GNAS-AS1: variants seen among roughly 807,000 people sequenced by gnomAD.
GNAS-AS1 encodes GNAS antisense RNA 1, also known as GNAS antisense RNA 1 (non-protein coding).
intron 4 of GNAS-AS1, chr20:58,834,665 C>T (rs777222055): frequency 2.6e-5 from 4 of 152,190 alleles, no homozygotes; most frequent in Non-Finnish European, 5.9e-5. Context: ...AGAAATTGCT[C>T]CTCCTGTGGC....
chr20:58,821,256 C>T (rs34606675), intron 4 of GNAS-AS1, among the ~76,000 whole-genome samples: 3,083 of 152,302 alleles, frequency 0.02, 107 homozygotes, highest in African/African-American at 0.071. Flanking sequence ...CCTCAGGGCC[C>T]TTCCACTGGC....
At chr20:58,830,013 G>A (rs1568899782) in intron 4 of GNAS-AS1, among the ~76,000 whole-genome samples, 1 of 152,012 alleles carries the variant, frequency 6.6e-6, no homozygotes, top group Non-Finnish European at 1.5e-5. Context: ...AAAGAGAACT[G>A]GAAAGTGAAA....
At chr20:58,831,153 TA>T (rs1300485675) in intron 4 of GNAS-AS1, among the ~76,000 whole-genome samples, 1 of 152,208 alleles carries the variant, frequency 6.6e-6, no homozygotes, top group Non-Finnish European at 1.5e-5. Flanking sequence ...AGTCCAGATT[TA>T]CCAAATATCA....
At chr20:58,832,923 GTTAA>G (rs1045576179) in intron 4 of GNAS-AS1, among the ~76,000 whole-genome samples, 25 of 152,248 alleles carry the variant, frequency 1.6e-4, no homozygotes, top group African/African-American at 6.0e-4. Flanking sequence ...CACTTTGGAA[GTTAA>G]TTAAATTCCC....
At chr20:58,819,695 G>A (rs1423821669) in intron 4 of GNAS-AS1, among the ~76,000 whole-genome samples, 3 of 152,188 alleles carry the variant, frequency 2.0e-5, no homozygotes, top group East Asian at 1.9e-4. Context: ...AAAGGAGGCA[G>A]GGCTATGGTG....
chr20:58,840,676 A>G lies in GNAS-AS1; in HGVS notation n.819+1261T>C, dbSNP rs772869359. 1.1e-5 allele frequency: 17 copies of G among 1,604,670 alleles called. No homozygotes were observed. In the African/African-American group the frequency reaches 2.3e-4, roughly 21 times the overall value. On this transcript the variant is annotated intron_variant and non_coding_transcript_variant, in intron 4 of 4. Transcript: ENST00000424094. This position sits in a 1 kb window ranked among gnomAD's most constrained non-coding sequence, Gnocchi z 6.0. ...CTCAGGAGCCCCAGAGCCCCAGGGA[A>G]GGGGAGGAGCTCAAGCCCGAGGACA...
At chr20:58,831,290 G>GT (rs2096098550) in intron 4 of GNAS-AS1, among the ~76,000 whole-genome samples, 1 of 152,204 alleles carries the variant, frequency 6.6e-6, no homozygotes, top group Non-Finnish European at 1.5e-5. Flanking sequence ...CAAAAGAAAT[G>GT]TGTGGCACTC....
chr20:58,820,686 G>A (rs1600641913), intron 4 of GNAS-AS1, among the ~76,000 whole-genome samples: 1 of 152,274 alleles, frequency 6.6e-6, no homozygotes, highest in Admixed American at 6.5e-5. Flanking sequence ...CCACAATCAT[G>A]GCAGAAGGCA....
rs1331938929 is a variant in GNAS-AS1, at chr20:58,841,471, G to A, written n.819+466C>T. ...CGCGGCGCCTAAGCAGCTCAGAGCC[G>A]GAGCCCAGGTCCCAGAGCTGACAAT... On this transcript the variant is annotated intron_variant and non_coding_transcript_variant, in intron 4 of 4. Coordinates refer to ENST00000424094, the Ensembl canonical transcript of GNAS-AS1. This position sits in a 1 kb window ranked among gnomAD's most constrained non-coding sequence, Gnocchi z 5.0. 4.0e-6 allele frequency: 4 copies of A among 991,666 alleles called. No homozygotes were observed. Among genetic ancestry groups the A allele is most frequent in the Non-Finnish European group, 3.6e-6 (3 of 834,220 alleles). The allele number at this position is 991,666 out of a possible 1,614,324, so 61.4% of individuals were successfully genotyped here.
chr20:58,836,985 T>A (rs1344586286), intron 4 of GNAS-AS1, among the ~76,000 whole-genome samples: 5 of 152,208 alleles, frequency 3.3e-5, no homozygotes. Context: ...ATGCAGGCAA[T>A]CTCGGTGTAT....
At chr20:58,845,631 G>T (rs778719385) in intron 2 of GNAS-AS1, among the ~76,000 whole-genome samples, 5 of 152,070 alleles carry the variant, frequency 3.3e-5, no homozygotes, top group Non-Finnish European at 7.4e-5. Context: ...GGCCATATGT[G>T]GGGGGTGGGG....
At chr20:58,820,815 A>G (rs979631427) in intron 4 of GNAS-AS1, among the ~76,000 whole-genome samples, 1 of 152,244 alleles carries the variant, frequency 6.6e-6, no homozygotes, top group African/African-American at 2.4e-5. Flanking sequence ...TCATGAGAAC[A>G]GCACAGGAAA....
chr20:58,836,210 C>T (rs1424115694), intron 4 of GNAS-AS1: 4 of 152,162 alleles, frequency 2.6e-5, no homozygotes, highest in African/African-American at 7.2e-5. Flanking sequence ...ACGCACACCA[C>T]GAAAAACATC....
rs1368549153 is a variant in GNAS-AS1, at chr20:58,840,099, C to T, written n.819+1838G>A. Reference sequence around the variant, plus strand: ...GGCAGGCCGGCTTCTCGGTGTGTGCCTAAGAGGATGGATCGGAGGTCCCGG... The same window carrying T: ...GGCAGGCCGGCTTCTCGGTGTGTGCTTAAGAGGATGGATCGGAGGTCCCGG... On this transcript the variant is annotated intron_variant and non_coding_transcript_variant, in intron 4 of 4. Transcript: ENST00000424094. This position sits in a 1 kb window ranked among gnomAD's most constrained non-coding sequence, Gnocchi z 6.0. The T allele has an allele frequency of 6.2e-7, 1 of 1,610,374 alleles. No homozygotes were observed. Among genetic ancestry groups the T allele is most frequent in the East Asian group, 2.2e-5 (1 of 44,842 alleles).
At chr20:58,829,438 G>C (rs900648702) in intron 4 of GNAS-AS1, among the ~76,000 whole-genome samples, 1 of 152,312 alleles carries the variant, frequency 6.6e-6, no homozygotes, top group African/African-American at 2.4e-5. Flanking sequence ...GCTTCCCATG[G>C]TTTATGGCTG....
At chr20:58,839,991 G>T in intron 4 of GNAS-AS1, 1 of 1,161,370 alleles carries the variant, frequency 8.6e-7, no homozygotes, top group Admixed American at 1.9e-5. Flanking sequence ...GGGACCTCCG[G>T]GCCAGCTTCT....
chr20:58,825,407 A>T lies in GNAS-AS1; in HGVS notation n.820-6152T>A, dbSNP rs376936868. On this transcript the variant is annotated intron_variant and non_coding_transcript_variant, in intron 4 of 4. Coordinates refer to ENST00000424094, the Ensembl canonical transcript of GNAS-AS1. ...TGGGGACAGGATCAAGGAGGTGCTC[A>T]GGGCTGCACCTGGAGGGACATCAGC... Among the ~76,000 whole-genome samples, 20 of 152,344 alleles carry T rather than the reference A, an allele frequency of 1.3e-4. No homozygotes were observed. The East Asian group carries it at 3.5e-3, about 26-fold the overall frequency.
Position 58,840,019 on chromosome 20 carries a change from C to G in GNAS-AS1, n.819+1918G>C. 6.7e-7 allele frequency: 1 copy of G among 1,491,916 alleles called. No individual in the cohort carries two copies. The highest frequency in any genetic ancestry group is 9.2e-7 in the Non-Finnish European group (1 of 1,083,140). The allele number at this position is 1,491,916 out of a possible 1,614,324, so 92.4% of individuals were successfully genotyped here. On this transcript the variant is annotated intron_variant and non_coding_transcript_variant, in intron 4 of 4. Transcript: ENST00000424094. The surrounding 1 kb of genome is among the most constrained non-coding windows in gnomAD (Gnocchi z 6.0). Reference sequence around the variant, plus strand: ...CAGCTTCTCACCTCATAGGGTGTACCTTTCCCGGCTCCAGCAGCCAATGTG... The same window carrying G: ...CAGCTTCTCACCTCATAGGGTGTACGTTTCCCGGCTCCAGCAGCCAATGTG...
At chr20:58,830,310 C>G (rs200615132) in intron 4 of GNAS-AS1, among the ~76,000 whole-genome samples, 2 of 103,784 alleles carry the variant, frequency 1.9e-5, no homozygotes, top group Admixed American at 9.7e-5. Context: ...ATCACCACCA[C>G]CACCACACCA....
Sources: gnomAD v4.1 joint callset for allele counts (sites outside exome capture counted in the v4.1 genomes callset) on GRCh38, gnomAD v4.1.1 for gene constraint, Gnocchi (gnomAD v3.1) non-coding constraint, MANE v1.5 for transcripts, NCBI Gene and HGNC (gene_info 2026-07-23, HGNC 2026-07-21) for gene names.